Variants in ROBO2 observed in about 807,000 individuals in gnomAD.
ROBO2 encodes the protein roundabout homolog 2.
Under a neutral mutation model 160.8 loss-of-function variants are expected in ROBO2, and 53 were observed. The observed-to-expected ratio is 0.33, with a 90% CI of 0.26 to 0.41. ROBO2 has a LOEUF of 0.41. ROBO2 is among the 10% of genes least tolerant of loss of function. The pLI, the probability that ROBO2 is intolerant of heterozygous loss-of-function variation, is 1.00. For missense variants in ROBO2, 1,577 were observed against 1,722.4 expected (o/e 0.92, Z 1.49); for synonymous variants, 664 against 611.7 (o/e 1.09, Z -1.26).
chr3:76,055,530 T>TTA (rs113410859), intron 2 of ROBO2, among the ~76,000 whole-genome samples: 3,114 of 152,218 alleles, frequency 0.02, 43 homozygotes, highest in East Asian at 0.08. Flanking sequence ...CAGTGTCTAT[T>TTA]ATCTCCATCT....
intron 2 of ROBO2, among the ~76,000 whole-genome samples, chr3:76,106,595 C>A (rs1331046254): frequency 6.6e-6 from 1 of 152,060 alleles, no homozygotes; most frequent in East Asian, 1.9e-4. Flanking sequence ...AATTTACTCT[C>A]TTCCATGGCC....
chr3:76,779,433 C>T (rs995120521), intron 2 of ROBO2, among the ~76,000 whole-genome samples: 1 of 150,896 alleles, frequency 6.6e-6, no homozygotes. Context: ...AGGCACTGTG[C>T]TAGTAGTAGA....
At chr3:77,059,644 C>T in intron 1 of ROBO2, among the ~76,000 whole-genome samples, 1 of 152,166 alleles carries the variant, frequency 6.6e-6, no homozygotes, top group Admixed American at 6.6e-5. Context: ...GCCAGAGACA[C>T]CCCAGTTTAA....
intron 2 of ROBO2, among the ~76,000 whole-genome samples, chr3:77,332,179 T>G (rs534900636): frequency 6.6e-6 from 1 of 152,352 alleles, no homozygotes; most frequent in Non-Finnish European, 1.5e-5. Flanking sequence ...ATACGTAATG[T>G]ATTTTTATGT....
rs566363476 is a variant in ROBO2, at chr3:76,109,670, T to G, written c.109+172068T>G. 7.2e-5 allele frequency among the ~76,000 whole-genome samples: 11 copies of G among 152,162 alleles called. No homozygotes were observed. The East Asian group carries it at 1.9e-3, about 27-fold the overall frequency. ...TGCAGTAACTTATTTTTTCAGAAAT[T>G]TTTTTATTTTTATGGATTTAGAGGG... On this transcript the variant is annotated intron_variant, in intron 2 of 26. Coordinates refer to the ROBO2 transcript ENST00000487694.
intron 2 of ROBO2, among the ~76,000 whole-genome samples, chr3:77,113,130 T>C (rs896125015): frequency 6.6e-6 from 1 of 152,210 alleles, no homozygotes; most frequent in Non-Finnish European, 1.5e-5. Context: ...TCCATTGAGA[T>C]TGTAAGCAAT....
At chr3:76,688,754 T>C (rs1006491707) in intron 2 of ROBO2, among the ~76,000 whole-genome samples, 3 of 152,172 alleles carry the variant, frequency 2.0e-5, no homozygotes, top group East Asian at 1.9e-4. Flanking sequence ...ATCTTTCTCA[T>C]TGATTATTTA....
At chr3:76,180,920 T>A (rs1473194850) in intron 2 of ROBO2, among the ~76,000 whole-genome samples, 1 of 152,118 alleles carries the variant, frequency 6.6e-6, no homozygotes, top group Non-Finnish European at 1.5e-5. Flanking sequence ...CACTCTCCCC[T>A]ATCTGCCTCA....
chr3:76,922,361 A>G (rs2076723879), intron 2 of ROBO2, among the ~76,000 whole-genome samples: 5 of 152,188 alleles, frequency 3.3e-5, no homozygotes. Flanking sequence ...ACTGGGACGT[A>G]CAAAGGAGTC....
chr3:76,235,620 A>C (rs1704896162), intron 2 of ROBO2, among the ~76,000 whole-genome samples: 1 of 152,174 alleles, frequency 6.6e-6, no homozygotes, highest in South Asian at 2.1e-4. Context: ...GAGACATAAA[A>C]ATTTAAAGCA....
At chr3:76,857,126 C>T (rs2070196113) in intron 2 of ROBO2, among the ~76,000 whole-genome samples, 1 of 152,080 alleles carries the variant, frequency 6.6e-6, no homozygotes, top group Non-Finnish European at 1.5e-5. Context: ...GCTGGGACTA[C>T]AGGCGCCCGC....
chr3:76,396,633 T>TA (rs958704982), intron 2 of ROBO2, among the ~76,000 whole-genome samples: 35 of 152,182 alleles, frequency 2.3e-4, no homozygotes, highest in South Asian at 1.7e-3. Context: ...AGTCTCAGGA[T>TA]AAAAAATCAA....
chr3:76,168,232 C>A (rs1004548459), intron 2 of ROBO2, among the ~76,000 whole-genome samples: 3 of 152,120 alleles, frequency 2.0e-5, no homozygotes, highest in African/African-American at 7.2e-5. Flanking sequence ...AACCCTTAAA[C>A]TAGTATACAT....
At chr3:76,968,486 T>C (rs547018804) in intron 2 of ROBO2, among the ~76,000 whole-genome samples, 1 of 152,250 alleles carries the variant, frequency 6.6e-6, no homozygotes, top group African/African-American at 2.4e-5. Flanking sequence ...ATATAATCAA[T>C]AGTTAAGTTA....
chr3:77,255,206 A>G (rs1259058620), intron 2 of ROBO2, among the ~76,000 whole-genome samples: 2 of 152,220 alleles, frequency 1.3e-5, no homozygotes, highest in African/African-American at 2.4e-5. Context: ...AATCAAATTA[A>G]GTTACATGAG....
intron 23 of ROBO2, chr3:77,630,130 A>G (rs1356657229): frequency 6.6e-6 from 1 of 152,186 alleles, no homozygotes; most frequent in African/African-American, 2.4e-5. Flanking sequence ...TAGTGGCAAT[A>G]TCTCTGTCTA....
chr3:76,309,634 G>A (rs1384865460), intron 2 of ROBO2, among the ~76,000 whole-genome samples: 1 of 152,048 alleles, frequency 6.6e-6, no homozygotes, highest in Admixed American at 6.5e-5. Flanking sequence ...TAAAACTGGT[G>A]GTTATCATAA....
intron 2 of ROBO2, among the ~76,000 whole-genome samples, chr3:76,589,386 G>T (rs990195365): frequency 1.3e-5 from 2 of 151,988 alleles, no homozygotes; most frequent in African/African-American, 4.8e-5. Context: ...TGCAAGCTCC[G>T]CCTCCCGAGG....
chr3:76,085,262 C>G (rs1298110237), intron 2 of ROBO2, among the ~76,000 whole-genome samples: 1 of 151,946 alleles, frequency 6.6e-6, no homozygotes, highest in African/African-American at 2.4e-5. Flanking sequence ...CTCAAAGACA[C>G]CTTTAACAAA....
Sources: allele counts gnomAD v4.1 joint callset (sites outside exome capture counted in the v4.1 genomes callset), GRCh38; gene constraint gnomAD v4.1.1; transcripts MANE v1.5; gene names NCBI Gene and HGNC (gene_info 2026-07-23, HGNC 2026-07-21).